The following CCDC32 variants were observed in gnomAD, a reference collection of about 807,000 sequenced individuals.
CCDC32 encodes the protein coiled-coil domain containing 32.
In CCDC32, 9 loss-of-function variants were observed where a neutral mutation model predicts 20.1. That is an observed-to-expected ratio of 0.45 (90% confidence interval 0.27 to 0.78). The LOEUF (loss-of-function observed/expected upper bound fraction) is 0.78, where lower values mean the gene tolerates loss of function less well. Ranked by LOEUF, CCDC32 falls within the 30% of genes least tolerant of loss-of-function variation. CCDC32 has a pLI of 0.16. For missense variants in CCDC32, 204 were observed against 215.5 expected (o/e 0.95, Z 0.33); for synonymous variants, 63 against 79.0 (o/e 0.80, Z 1.07).
downstream of CCDC32, chr15:40,552,762 G>T: frequency 2.1e-5 from 1 of 47,200 alleles, no homozygotes; most frequent in East Asian, 8.1e-4. Context: ...GGGCAACAAA[G>T]TGCGACCTCA....
At chr15:40,563,567 G>T (rs1376300768) in intron 1 of CCDC32, among the ~76,000 whole-genome samples, 1 of 151,942 alleles carries the variant, frequency 6.6e-6, no homozygotes, top group Non-Finnish European at 1.5e-5. Flanking sequence ...TTGGGAAAAT[G>T]AAAAAGTTCT....
chr15:40,535,517 AG>A, downstream of CCDC32: 1 of 986,702 alleles, frequency 1.0e-6, no homozygotes, highest in Non-Finnish European at 1.2e-6. Context: ...ATAGATTTAT[AG>A]TTTTCAGGGC....
Position 40,539,875 on chromosome 15 carries a change from CA to C in CCDC32, c.402-521del, listed in dbSNP as rs1566979598. Among the ~76,000 whole-genome samples, 24 of 151,758 alleles carry C rather than the reference CA, an allele frequency of 1.6e-4. 1 individual carries two copies. In the South Asian group the frequency reaches 1.7e-3, roughly 11 times the overall value. On this transcript the variant is annotated intron_variant, in intron 3 of 3. Transcript: ENST00000558113. ...ACACACACACACACACACACACACA[CA>C]CACACCCCGCTCCTTGCCCTTGATT...
the CCDC32 span, among the ~76,000 whole-genome samples, chr15:40,521,071 C>T: frequency 6.6e-6 from 1 of 152,052 alleles, no homozygotes. Flanking sequence ...GTCATCTTCG[C>T]GTCGAGTAGG....
the CCDC32 span, among the ~76,000 whole-genome samples, chr15:40,522,912 G>A: frequency 2.4e-4 from 35 of 147,892 alleles, no homozygotes; most frequent in Admixed American, 1.9e-3. Context: ...CTGCAACTTC[G>A]GTCTCCAGGG....
chr15:40,532,245 C>T (rs796345392), downstream of CCDC32: 7 of 702,918 alleles, frequency 1.0e-5, no homozygotes, highest in African/African-American at 1.2e-4. Flanking sequence ...AGGATGGTAA[C>T]ATACTATTGT....
At chr15:40,558,332 G>C (rs1306125530) in intron 2 of CCDC32, among the ~76,000 whole-genome samples, 1 of 152,052 alleles carries the variant, frequency 6.6e-6, no homozygotes, top group East Asian at 1.9e-4. Context: ...TTACCACCAT[G>C]AGCTCACCCA....
chr15:40,555,811 T>A (rs1890194215), intron 3 of CCDC32, among the ~76,000 whole-genome samples: 1 of 152,226 alleles, frequency 6.6e-6, no homozygotes, highest in South Asian at 2.1e-4. Flanking sequence ...AATGTCCATA[T>A]GTTGGAAACT....
intron 2 of CCDC32, chr15:40,557,625 T>C (rs1315174898): frequency 2.8e-6 from 1 of 351,842 alleles, no homozygotes; most frequent in South Asian, 4.8e-5. Context: ...TAGGTTCTCA[T>C]AAATAAGTCA....
At chr15:40,534,857 AAC>A, downstream of CCDC32, 1 of 702,206 alleles carries the variant, frequency 1.4e-6, no homozygotes, top group Non-Finnish European at 2.6e-6. Flanking sequence ...GAGGGACACA[AAC>A]ACACAGTCCA....
the CCDC32 span, among the ~76,000 whole-genome samples, chr15:40,522,825 T>C: frequency 1.7e-5 from 1 of 57,544 alleles, no homozygotes; most frequent in Non-Finnish European, 4.1e-5. Context: ...CTGGTTTTCC[T>C]TTCTTTTTTT....
Position 40,562,883 on chromosome 15 carries a change from C to G in CCDC32, c.133G>C (p.Asp45His), listed in dbSNP as rs761324085. ...ANNAFSDSFVDSCPEGEGQRE... is the reference protein window; with the variant it reads ...ANNAFSDSFVHSCPEGEGQRE... ...TGGCCTTCACCTTCAGGGCAAGAAT[C>G]CACAAAGGAGTCTGAGAATGCATTG... Residue 45 changes from aspartate to histidine, a missense_variant, in exon 2 of 4, where the codon GAT becomes CAT. By Grantham distance (81) the Asp-to-His change is moderately conservative. Transcript: ENST00000416810. 5.0e-6 allele frequency: 8 copies of G among 1,614,088 alleles called. No homozygotes were observed. Among genetic ancestry groups the G allele is most frequent in the Non-Finnish European group, 5.9e-6 (7 of 1,180,058 alleles).
intron 3 of CCDC32, among the ~76,000 whole-genome samples, 187 bp from the exon 4 acceptor site, chr15:40,554,314 C>T (rs1428420553): frequency 6.6e-6 from 1 of 152,156 alleles, no homozygotes; most frequent in Non-Finnish European, 1.5e-5. Context: ...GGCAGCTCTG[C>T]GCATAATTTA....
chr15:40,534,977 T>C (rs1239977351), downstream of CCDC32: 21 of 702,492 alleles, frequency 3.0e-5, no homozygotes, highest in Non-Finnish European at 5.5e-5. Flanking sequence ...TGTGTGGTCT[T>C]GGGTTTAGTG....
chr15:40,557,500 G>A, intron 2 of CCDC32, 128 bp from the exon 3 acceptor site: 1 of 897,794 alleles, frequency 1.1e-6, no homozygotes, highest in Non-Finnish European at 1.6e-6. Context: ...CTGCCAAAGA[G>A]GTCATTTTTT....
At chr15:40,521,697 G>C in the CCDC32 span, among the ~76,000 whole-genome samples, 2 of 152,108 alleles carry the variant, frequency 1.3e-5, no homozygotes, top group African/African-American at 2.4e-5. Context: ...GTGTTAAGTG[G>C]TATCTCATTG....
At chr15:40,564,903 CTA>C (rs1890919184) in intron 1 of CCDC32, 71 bp downstream of exon 1, 3 of 1,261,494 alleles carry the variant, frequency 2.4e-6, no homozygotes, top group African/African-American at 3.0e-5. Context: ...CCCAAGGCCT[CTA>C]TGTGGTATTC....
intron 3 of CCDC32, among the ~76,000 whole-genome samples, chr15:40,544,615 C>G (rs1333572792): frequency 1.3e-5 from 2 of 152,194 alleles, no homozygotes; most frequent in East Asian, 3.8e-4. Flanking sequence ...GCTATACCAA[C>G]ACACAGAGAG....
At chr15:40,548,143 C>A (rs976285515), downstream of CCDC32, among the ~76,000 whole-genome samples, 1 of 152,202 alleles carries the variant, frequency 6.6e-6, no homozygotes, top group African/African-American at 2.4e-5. Context: ...TATTTGGTTG[C>A]CTTGTGGCCT....
Sources: allele counts gnomAD v4.1 joint callset (sites outside exome capture counted in the v4.1 genomes callset), GRCh38; gene constraint gnomAD v4.1.1; transcripts MANE v1.5; gene names NCBI Gene and HGNC (gene_info 2026-07-23, HGNC 2026-07-21).